The following AGTPBP1 variants were observed in gnomAD, a reference collection of about 807,000 sequenced individuals.
The protein encoded by AGTPBP1 is cytosolic carboxypeptidase 1.
A neutral mutation model predicts 143.9 loss-of-function variants in AGTPBP1; 70 were observed. That is an observed-to-expected ratio of 0.49 (90% CI 0.40 to 0.59). AGTPBP1 has a LOEUF of 0.59. AGTPBP1 is among the 20% of genes least tolerant of loss of function. The pLI is 0.00. For missense variants in AGTPBP1, 1,229 were observed against 1,464.5 expected (o/e 0.84, Z 2.62); for synonymous variants, 463 against 500.2 (o/e 0.93, Z 0.99).
chr9:85,785,425 T>G, the AGTPBP1 span, among the ~76,000 whole-genome samples: 1 of 152,274 alleles, frequency 6.6e-6, no homozygotes, highest in East Asian at 1.9e-4. Context: ...TTTCATCATA[T>G]TAGGTCTAGT....
intron 25 of AGTPBP1, among the ~76,000 whole-genome samples, chr9:85,554,780 T>C (rs1826232949): frequency 1.3e-5 from 2 of 152,052 alleles, no homozygotes; most frequent in African/African-American, 4.8e-5. Context: ...GGTAGTTCAG[T>C]ATGGGGGTTC....
intron 25 of AGTPBP1, among the ~76,000 whole-genome samples, chr9:85,573,319 T>C (rs1827647086): frequency 6.6e-6 from 1 of 152,218 alleles, no homozygotes; most frequent in African/African-American, 2.4e-5. Flanking sequence ...TTGGCCGGGC[T>C]GGTCTCCAGC....
At position 85,701,720 on chromosome 9, in the gene AGTPBP1, T is replaced by A. The variant is rs558237852; in HGVS notation, c.33-8907A>T. Among the ~76,000 whole-genome samples the A allele has an allele frequency of 2.6e-5, 4 of 152,288 alleles. No homozygotes were observed. The South Asian group carries it at 8.3e-4, about 32-fold the overall frequency. ...GAAAACAACCCTCTCCAAGCCCCCATAACCACTATTCCACTCTCTACTTCT... is the reference window on the plus strand; with the variant it reads ...GAAAACAACCCTCTCCAAGCCCCCAAAACCACTATTCCACTCTCTACTTCT... On this transcript the variant is annotated intron_variant, in intron 2 of 25. Transcript: ENST00000357081.
chr9:85,586,017 A>G (rs1240290101), intron 22 of AGTPBP1, among the ~76,000 whole-genome samples: 1 of 152,178 alleles, frequency 6.6e-6, no homozygotes. Context: ...TTTCGACGCC[A>G]GCCTGACCAA....
intron 1 of AGTPBP1, among the ~76,000 whole-genome samples, chr9:85,726,050 C>G (rs1838458929): frequency 8.0e-6 from 1 of 124,476 alleles, no homozygotes; most frequent in Non-Finnish European, 1.6e-5. Context: ...CAGCAAGACT[C>G]CATCTCAAAA....
intron 25 of AGTPBP1, among the ~76,000 whole-genome samples, chr9:85,559,168 T>G (rs900855766): frequency 3.9e-5 from 6 of 152,208 alleles, no homozygotes; most frequent in African/African-American, 1.4e-4. Context: ...CTACCAGTAT[T>G]TCCAGCTTTG....
the AGTPBP1 span, among the ~76,000 whole-genome samples, chr9:85,771,881 G>A: frequency 7.9e-5 from 12 of 151,844 alleles, no homozygotes; most frequent in South Asian, 1.9e-3. Flanking sequence ...AGATGGTCTC[G>A]ATCACCTGAC....
chr9:85,644,362 C>T (rs1325532329), intron 12 of AGTPBP1, among the ~76,000 whole-genome samples: 4 of 150,586 alleles, frequency 2.7e-5, no homozygotes, highest in Non-Finnish European at 5.9e-5. Context: ...ATTCTTTTCT[C>T]TAAACATACT....
At chr9:85,632,552 C>A in intron 14 of AGTPBP1, 110 bp downstream of exon 14, 1 of 956,896 alleles carries the variant, frequency 1.0e-6, no homozygotes, top group Non-Finnish European at 1.5e-6. Context: ...AATACAGTAA[C>A]TTATAACTCA....
At chr9:85,709,765 A>G (rs1355683338) in intron 2 of AGTPBP1, among the ~76,000 whole-genome samples, 1 of 152,182 alleles carries the variant, frequency 6.6e-6, no homozygotes, top group Non-Finnish European at 1.5e-5. Flanking sequence ...ATAAATTAGT[A>G]TTTTGAAATT....
the AGTPBP1 span, chr9:85,781,209 T>A: frequency 6.0e-6 from 9 of 1,502,430 alleles, no homozygotes; most frequent in East Asian, 1.9e-4. Flanking sequence ...TAGAACAAGA[T>A]GGAGAAGGCA....
chr9:85,571,612 T>A (rs1161953824), intron 25 of AGTPBP1, among the ~76,000 whole-genome samples: 1 of 152,164 alleles, frequency 6.6e-6, no homozygotes, highest in African/African-American at 2.4e-5. Context: ...AACTACTTCA[T>A]AATGGAGAAG....
chr9:85,553,463 T>C (rs1345047863), intron 25 of AGTPBP1, among the ~76,000 whole-genome samples: 2 of 152,238 alleles, frequency 1.3e-5, no homozygotes, highest in African/African-American at 2.4e-5. Flanking sequence ...GTTCTGAGTA[T>C]GTTTAATGTA....
the AGTPBP1 span, chr9:85,786,615 A>G: frequency 6.5e-7 from 1 of 1,548,628 alleles, no homozygotes; most frequent in Non-Finnish European, 8.7e-7. Context: ...AGATATGTAA[A>G]AAGATTCCTT....
chr9:85,793,741 G>T, the AGTPBP1 span, among the ~76,000 whole-genome samples: 17 of 152,284 alleles, frequency 1.1e-4, no homozygotes, highest in African/African-American at 4.1e-4. Flanking sequence ...TTAAGCATTT[G>T]ATTATGTGAG....
the AGTPBP1 span, among the ~76,000 whole-genome samples, chr9:85,752,392 T>A: frequency 6.6e-6 from 1 of 152,182 alleles, no homozygotes; most frequent in Non-Finnish European, 1.5e-5. Flanking sequence ...ATAATAAATT[T>A]TAATATACTC....
At chr9:85,725,153 T>G (rs796857366) in intron 1 of AGTPBP1, among the ~76,000 whole-genome samples, 1 of 152,146 alleles carries the variant, frequency 6.6e-6, no homozygotes, top group African/African-American at 2.4e-5. Flanking sequence ...TGCCTGATTA[T>G]AGAGGAAAGC....
chr9:85,560,025 A>T (rs1408227803), intron 25 of AGTPBP1, among the ~76,000 whole-genome samples: 1 of 152,188 alleles, frequency 6.6e-6, no homozygotes, highest in Non-Finnish European at 1.5e-5. Flanking sequence ...GCCTGGGGAC[A>T]CAGACACTGG....
chr9:85,568,582 C>T (rs1042915905), intron 25 of AGTPBP1, among the ~76,000 whole-genome samples: 5 of 152,028 alleles, frequency 3.3e-5, no homozygotes, highest in Non-Finnish European at 5.9e-5. Flanking sequence ...TCTAAGCACA[C>T]GAGTGACTAG....
Sources: gnomAD v4.1 joint callset for allele counts (sites outside exome capture counted in the v4.1 genomes callset) on GRCh38, gnomAD v4.1.1 for gene constraint, MANE v1.5 for transcripts, NCBI Gene and HGNC (gene_info 2026-07-23, HGNC 2026-07-21) for gene names.